The following MICAL2 variants were observed in gnomAD, a reference collection of about 807,000 sequenced individuals.
MICAL2 encodes [F-actin]-monooxygenase MICAL2.
In MICAL2, 77 loss-of-function variants were observed where a neutral mutation model predicts 127.3. The ratio of observed to expected loss-of-function variants is 0.60; its 90% confidence interval spans 0.50 to 0.73. The LOEUF is 0.73. MICAL2 is among the 30% of genes least tolerant of loss of function. MICAL2 has a pLI of 0.00. For missense variants in MICAL2, 1,351 were observed against 1,434.4 expected (o/e 0.94, Z 0.94); for synonymous variants, 570 against 551.1 (o/e 1.03, Z -0.48).
intron 1 of MICAL2, among the ~76,000 whole-genome samples, chr11:12,113,186 G>A (rs1050757179): frequency 5.3e-5 from 8 of 152,290 alleles, no homozygotes; most frequent in African/African-American, 1.9e-4. Context: ...TCATTCTATT[G>A]TTTCATTCTG....
chr11:12,329,601 A>G (rs1027909318), intron 32 of MICAL2, among the ~76,000 whole-genome samples: 3 of 152,182 alleles, frequency 2.0e-5, no homozygotes, highest in African/African-American at 7.2e-5. Flanking sequence ...TAGATTTTTT[A>G]TCTGAAAAGT....
chr11:12,305,495 T>C (rs1214775441), intron 29 of MICAL2, among the ~76,000 whole-genome samples: 4 of 123,636 alleles, frequency 3.2e-5, no homozygotes, highest in Non-Finnish European at 4.9e-5. Flanking sequence ...TTGTATTTAC[T>C]ACTACATTTT....
chr11:12,355,105 C>A (rs1396174611), intron 34 of MICAL2, among the ~76,000 whole-genome samples: 1 of 152,220 alleles, frequency 6.6e-6, no homozygotes, highest in African/African-American at 2.4e-5. Flanking sequence ...TTCACTTATT[C>A]ATTCATGTAT....
At chr11:12,270,135 T>C (rs1381837747) in intron 24 of MICAL2, among the ~76,000 whole-genome samples, 1 of 152,150 alleles carries the variant, frequency 6.6e-6, no homozygotes, top group East Asian at 1.9e-4. Flanking sequence ...ACACTGGCAG[T>C]GGGTAGAAGG....
At chr11:12,222,834 A>C in intron 11 of MICAL2, 91 bp downstream of exon 11, 1 of 1,528,062 alleles carries the variant, frequency 6.5e-7, no homozygotes, top group South Asian at 1.2e-5. Flanking sequence ...ATTTTGGTCC[A>C]TTCCTGGGAC....
intron 24 of MICAL2, among the ~76,000 whole-genome samples, chr11:12,257,862 C>T (rs1280145061): frequency 1.3e-5 from 2 of 152,204 alleles, no homozygotes; most frequent in African/African-American, 4.8e-5. Context: ...CACAGTGGTC[C>T]TGGGCAGTGG....
chr11:12,131,156 G>A lies in MICAL2; in HGVS notation c.-148-7234G>A, dbSNP rs530512232. 1.3e-4 allele frequency among the ~76,000 whole-genome samples: 11 copies of A among 87,956 alleles called. 3 individuals carry two copies. Among genetic ancestry groups the A allele is most frequent in the African/African-American group, 3.5e-4 (11 of 31,660 alleles). The allele number at this position is 87,956 out of a possible 152,430, so 57.7% of individuals were successfully genotyped here. On this transcript the variant is annotated intron_variant, in intron 1 of 27. Coordinates refer to ENST00000683283, the MANE Select transcript of MICAL2 (RefSeq NM_001282663.2). ...AAAATACAAAAAATTAGCCGGGCGC[G>A]GTGGCGGGCGCCTGTAGTCCCAGCT...
intron 24 of MICAL2, among the ~76,000 whole-genome samples, chr11:12,270,698 C>T (rs1422305008): frequency 6.6e-6 from 1 of 152,224 alleles, no homozygotes; most frequent in Non-Finnish European, 1.5e-5. Context: ...CTTTCTTTCT[C>T]AACTTTTCTC....
At chr11:12,178,220 G>A (rs927019327) in intron 3 of MICAL2, among the ~76,000 whole-genome samples, 2 of 152,182 alleles carry the variant, frequency 1.3e-5, no homozygotes, top group Admixed American at 6.5e-5. Context: ...AGTGACTGAA[G>A]GGAGGTGTGC....
At chr11:12,256,730 A>AT in intron 23 of MICAL2, 55 bp from the exon 24 acceptor site, 4 of 1,488,066 alleles carry the variant, frequency 2.7e-6, no homozygotes, top group Non-Finnish European at 3.6e-6. Flanking sequence ...TTGGCCTGGC[A>AT]TTTGAAGGCT....
At chr11:12,199,653 G>C (rs1351597446) in intron 3 of MICAL2, among the ~76,000 whole-genome samples, 3 of 152,186 alleles carry the variant, frequency 2.0e-5, no homozygotes, top group African/African-American at 7.2e-5. Context: ...GTGTTTGCAG[G>C]TTCCCCTGGG....
chr11:12,256,847 G>A lies in MICAL2; in HGVS notation c.3018G>A (p.Lys1006=). Residue 1006 remains lysine, a synonymous_variant, in exon 24 of 28, where the codon AAG becomes AAA. Transcript: ENST00000683283. ...GCAGCGACACGTGTTACTTCTGTAA[G>A]AAACGTGTGTACGTGATGGAACGGC... The part of the protein sequence containing the change: ...LGGSDTCYFC[K]KRVYVMERLS... 1 of 1,614,182 alleles carries A rather than the reference G, an allele frequency of 6.2e-7. No individual in the cohort carries two copies. The highest frequency in any genetic ancestry group is 8.5e-7 in the Non-Finnish European group (1 of 1,180,000).
chr11:12,284,547 T>C (rs932052758), intron 2 of MICAL2, among the ~76,000 whole-genome samples: 1 of 152,204 alleles, frequency 6.6e-6, no homozygotes, highest in Non-Finnish European at 1.5e-5. Flanking sequence ...TCTTGAACTT[T>C]AGCCATTTCC....
intron 15 of MICAL2, among the ~76,000 whole-genome samples, chr11:12,227,891 G>A (rs1857679816): frequency 6.6e-6 from 1 of 152,184 alleles, no homozygotes; most frequent in African/African-American, 2.4e-5. Context: ...ATATTCTGTG[G>A]CACCTCTGTG....
intron 2 of MICAL2, chr11:12,153,144 C>T (rs932131989): frequency 6.6e-6 from 1 of 151,926 alleles, no homozygotes; most frequent in Non-Finnish European, 1.5e-5. Context: ...AATCCTCCCA[C>T]CTCAGTTCCC....
At chr11:12,114,011 G>A (rs140703763) in intron 1 of MICAL2, among the ~76,000 whole-genome samples, 7 of 152,206 alleles carry the variant, frequency 4.6e-5, no homozygotes, top group Admixed American at 3.3e-4. Flanking sequence ...GCTTTTATGC[G>A]AGCTATGTCC....
At chr11:12,229,831 C>G (rs1857977240) in intron 15 of MICAL2, among the ~76,000 whole-genome samples, 1 of 152,210 alleles carries the variant, frequency 6.6e-6, no homozygotes, top group Non-Finnish European at 1.5e-5. Context: ...CTTGTTCAGT[C>G]TTCTTCAGGG....
At chr11:12,131,979 C>CTTA (rs1851455233) in intron 1 of MICAL2, among the ~76,000 whole-genome samples, 1 of 152,114 alleles carries the variant, frequency 6.6e-6, no homozygotes, top group Non-Finnish European at 1.5e-5. Context: ...GAATCCTCAC[C>CTTA]CTAGCTTTAT....
intron 20 of MICAL2, 108 bp from the exon 21 acceptor site, chr11:12,243,870 GGGTCTCCTT>G: frequency 1.1e-5 from 14 of 1,245,094 alleles, no homozygotes; most frequent in Non-Finnish European, 1.5e-5. Context: ...CCTGAGACAT[GGGTCTCCTT>G]TCTTTGCCTT....
Sources: gnomAD v4.1 joint callset for allele counts (sites outside exome capture counted in the v4.1 genomes callset) on GRCh38, gnomAD v4.1.1 for gene constraint, MANE v1.5 for transcripts, NCBI Gene and HGNC (gene_info 2026-07-23, HGNC 2026-07-21) for gene names.